AARS2: variants seen among roughly 807,000 people sequenced by gnomAD.
AARS2 encodes alanine--tRNA ligase, mitochondrial.
In AARS2, 78 loss-of-function variants were observed where a neutral mutation model predicts 119.7. The observed-to-expected ratio is 0.65, with a 90% CI of 0.54 to 0.79. The LOEUF is 0.79. Ranked by LOEUF, AARS2 falls within the 30% of genes least tolerant of loss-of-function variation. The pLI is 0.00. For synonymous variants in AARS2, 502 were observed against 526.3 expected, an observed-to-expected ratio of 0.95 and a Z score of 0.63; for missense variants, 1,157 against 1,291.3, an observed-to-expected ratio of 0.90 and a Z score of 1.59.
chr6:44,306,882 G>T (rs1561940985), intron 7 of AARS2, 41 bp downstream of exon 7: 2 of 1,583,300 alleles, frequency 1.3e-6, no homozygotes, highest in African/African-American at 1.3e-5. Context: ...TCCCCAAAGT[G>T]CCCAGGGAGG....
At position 44,305,069 on chromosome 6, in the gene AARS2, G is replaced by A. The variant is rs943891187; in HGVS notation, c.1564C>T (p.Pro522Ser). ...DSPKYNYSLR[P>S]SGSYEFGTCE... is the part of the protein sequence containing the mutation. ...AGGCTCTCACCATAACTTCCGCTGG[G>A]TCGCAGGGAGTAGTTGTACTTGGGG... is the stretch of plus-strand genomic sequence containing the variant. Residue 522 changes from proline (P) to serine (S), a missense_variant, in exon 11 of 22, where the codon CCC (proline) becomes TCC (serine). Pro to Ser is a moderately conservative substitution (Grantham distance 74, BLOSUM62 -1). Transcript: ENST00000244571. This position sits in a 1 kb window ranked among gnomAD's most constrained non-coding sequence, Gnocchi z 4.6. 2.5e-5 allele frequency: 40 copies of A among 1,614,102 alleles called. No individual in the cohort carries two copies. The highest frequency in any genetic ancestry group is 3.2e-5 in the Non-Finnish European group (38 of 1,179,994).
rs752238227 is a variant in AARS2 at position 44,313,090 on chromosome 6, G to T, written c.234C>A (p.Gly78=). The change falls in exon 1 of 22, where the codon GGC becomes GGA. Residue 78 remains glycine, a synonymous_variant. Transcript: ENST00000244571. ...ATGGTTCGGCCCTCACCTGGTTCAT[G>T]CCCGCATTGACAAAAAGCAAACTGG... ...GDPSLLFVNA[G]MNQFKPIFLG... 1.1e-5 allele frequency: 17 copies of T among 1,613,310 alleles called. No individual in the cohort carries two copies. In the East Asian group the frequency reaches 3.8e-4, roughly 36 times the overall value.
At position 44,311,407 on chromosome 6, in the gene AARS2, G is replaced by A; in HGVS notation, c.564C>T (p.Asp188=). The change falls in exon 3 of 22, where the codon GAC becomes GAT. Residue 188 remains aspartate (D), a synonymous_variant. Coordinates refer to ENST00000244571, the MANE Select transcript of AARS2 (RefSeq NM_020745.4). Reference sequence around the variant, plus strand: ...TGACTTACCCTAAGCTCAGCCAGATGTCCCTGGTCTCCAGGTCTGGGTCCA... The same window carrying A: ...TGACTTACCCTAAGCTCAGCCAGATATCCCTGGTCTCCAGGTCTGGGTCCA... ...AGLDPDLETR[D]IWLSLGVPAS... is the part of the protein sequence containing the mutation. 1 of 1,614,170 alleles carries A rather than the reference G, an allele frequency of 6.2e-7. No homozygotes were observed. Among genetic ancestry groups the A allele is most frequent in the Non-Finnish European group, 8.5e-7 (1 of 1,180,034 alleles).
chr6:44,311,377 G>A lies in AARS2; in HGVS notation c.581+13C>T. 1.2e-6 allele frequency: 2 copies of A among 1,614,112 alleles called. No homozygotes were observed. The highest frequency in any genetic ancestry group is 1.7e-6 in the Non-Finnish European group (2 of 1,180,020). ...GACCTCCAGGAATGAACATAAGAAG[G>A]GGGCTGACTTACCCTAAGCTCAGCC... On this transcript the variant is annotated intron_variant, in intron 3 of 21. Transcript: ENST00000244571.
At position 44,310,329 on chromosome 6, in the gene AARS2, G is replaced by A; in HGVS notation, c.864C>T (p.Leu288=). ...QGKHSTYDTD[L]FSPLLNAIQQ... is the part of the protein sequence containing the mutation. Reference sequence around the variant, plus strand: ...GTATGGCGTTGAGCAGCGGGGAAAAGAGGTCAGTGTCATAGGTGGAGTGTT... The same window carrying A: ...GTATGGCGTTGAGCAGCGGGGAAAAAAGGTCAGTGTCATAGGTGGAGTGTT... The change falls in exon 5 of 22, where the codon CTC becomes CTT. Residue 288 remains leucine, a synonymous_variant. Transcript: ENST00000244571. 1.2e-6 allele frequency: 2 copies of A among 1,610,658 alleles called. No individual in the cohort carries two copies.
At chr6:44,302,245 G>T (rs1217400779) in intron 18 of AARS2, 75 bp from the exon 19 acceptor site, 2 of 1,609,322 alleles carry the variant, frequency 1.2e-6, no homozygotes, top group African/African-American at 2.7e-5. Flanking sequence ...AGCAGGGCCA[G>T]GGAAGACACC....
rs1294413020 is a variant in AARS2, at chr6:44,299,457, G to C, written c.*1090C>G. On this transcript the variant is annotated 3_prime_UTR_variant, in exon 22 of 22. Coordinates refer to ENST00000244571, the MANE Select transcript of AARS2 (RefSeq NM_020745.4). ...TACTTTTTTTTTTTTTTGTAGACAGGGTCTTGCTGTTTGCGCAGGCTGGTC... is the reference window on the plus strand; with the variant it reads ...TACTTTTTTTTTTTTTTGTAGACAGCGTCTTGCTGTTTGCGCAGGCTGGTC... Among the ~76,000 whole-genome samples the C allele has an allele frequency of 2.0e-5, 3 of 151,460 alleles. No homozygotes were observed. The highest frequency in any genetic ancestry group is 2.0e-4 in the Admixed American group (3 of 15,236).
At chr6:44,312,708 G>A (rs574509918) in intron 1 of AARS2, among the ~76,000 whole-genome samples, 21 of 152,300 alleles carry the variant, frequency 1.4e-4, no homozygotes, top group African/African-American at 4.6e-4. Flanking sequence ...TAGAAAAGAT[G>A]AGTGGTTGAT....
At chr6:44,304,378 A>T (rs1785642599) in intron 13 of AARS2, 42 bp downstream of exon 13, 1 of 1,614,054 alleles carries the variant, frequency 6.2e-7, no homozygotes, top group Non-Finnish European at 8.5e-7. Flanking sequence ...GGGAGAGTGA[A>T]GGGGCTGCAG....
chr6:44,301,559 C>T (rs1785360563), intron 19 of AARS2, 95 bp from the exon 20 acceptor site: 1 of 1,201,004 alleles, frequency 8.3e-7, no homozygotes, highest in Admixed American at 1.8e-5. Context: ...GAGCAATCCC[C>T]TGCTTCCCCC....
chr6:44,301,996 A>G (rs1785396505), intron 19 of AARS2, 64 bp downstream of exon 19: 13 of 1,547,352 alleles, frequency 8.4e-6, no homozygotes, highest in Non-Finnish European at 1.1e-5. Flanking sequence ...CCAGCCCTTG[A>G]GACTTCTCAG....
intron 1 of AARS2, 149 bp downstream of exon 1, chr6:44,312,932 T>C: frequency 4.8e-6 from 6 of 1,243,450 alleles, no homozygotes; most frequent in Non-Finnish European, 5.7e-6. Context: ...CTGAGCGCCG[T>C]ACCCCCATCA....
At position 44,302,620 on chromosome 6, in the gene AARS2, T is replaced by C. The variant is rs1180700960; in HGVS notation, c.2365-107A>G. ...AATAAGATTTAACAATCAGGACCAA[T>C]CAAGGCACCAGCACCAAATAATCAA... On this transcript the variant is annotated intron_variant, in intron 17 of 21. Coordinates refer to ENST00000244571, the MANE Select transcript of AARS2 (RefSeq NM_020745.4). 2.5e-6 allele frequency: 4 copies of C among 1,577,402 alleles called. No homozygotes were observed. In the Admixed American group the frequency reaches 5.1e-5, roughly 20 times the overall value.
At position 44,304,684 on chromosome 6, in the gene AARS2, C is replaced by T; in HGVS notation, c.1713G>A (p.Gln571=). ...GCACCAGGTAGCCACGGTCTGAAGC[C>T]TGGCCCCCCTGTTCTGCGTAGAAGT... ...RTNFYAEQGG[Q]ASDRGYLVRA... Residue 571 remains glutamine, a synonymous_variant, in exon 12 of 22, where the codon CAG becomes CAA. Coordinates refer to ENST00000244571, the MANE Select transcript of AARS2 (RefSeq NM_020745.4). 6.2e-7 allele frequency: 1 copy of T among 1,614,266 alleles called. No homozygotes were observed. Among genetic ancestry groups the T allele is most frequent in the Middle Eastern group, 1.6e-4 (1 of 6,062 alleles).
At chr6:44,308,844 C>T (rs993635996) in intron 5 of AARS2, among the ~76,000 whole-genome samples, 2 of 152,052 alleles carry the variant, frequency 1.3e-5, no homozygotes, top group African/African-American at 4.8e-5. Context: ...TCAAGCGATC[C>T]GCCCCCCTCT....
chr6:44,301,177 C>CA lies in AARS2; in HGVS notation c.2771dup (p.Cys925ValfsTer45). 3 of 1,613,634 alleles carry CA rather than the reference C, an allele frequency of 1.9e-6. No homozygotes were observed. Among genetic ancestry groups the CA allele is most frequent in the Non-Finnish European group, 2.5e-6 (3 of 1,179,908 alleles). On this transcript the variant is annotated frameshift_variant, in exon 21 of 22. Coordinates refer to ENST00000244571, the MANE Select transcript of AARS2 (RefSeq NM_020745.4). LOFTEE classifies it high-confidence loss of function. ...TCACCTGGGCCACCTGACAGGCACA[C>CA]AGCACCTTCCCCATGGGCTGGGGGC...
intron 5 of AARS2, among the ~76,000 whole-genome samples, chr6:44,310,064 T>C (rs1051073125): frequency 3.3e-5 from 5 of 152,128 alleles, no homozygotes; most frequent in African/African-American, 9.7e-5. Context: ...GGATTTAACA[T>C]AAAGTAAGCA....
At position 44,305,511 on chromosome 6, in the gene AARS2, T is replaced by G; in HGVS notation, c.1434+142A>C. The G allele has an allele frequency of 5.9e-6, 8 of 1,357,822 alleles. No homozygotes were observed. Among genetic ancestry groups the G allele is most frequent in the Admixed American group, 4.1e-5 (2 of 49,156 alleles). 84.1% of individuals were successfully genotyped at this position (1,357,822 alleles called of 1,614,324 possible). On this transcript the variant is annotated intron_variant, in intron 10 of 21. Transcript: ENST00000244571. The surrounding 1 kb of genome is among the most constrained non-coding windows in gnomAD (Gnocchi z 4.6). ...GCTTTCTACTGGTTGTGGCCTGAGG[T>G]TTTAGAAACCTCCCAGGTGAGGGGA...
intron 7 of AARS2, 111 bp downstream of exon 7, chr6:44,306,811 AT>A: frequency 9.7e-7 from 1 of 1,026,950 alleles, no homozygotes; most frequent in Non-Finnish European, 1.5e-6. Flanking sequence ...TGGGCTCGAT[AT>A]TTAGGGTGGG....
Sources: allele counts gnomAD v4.1 joint callset (sites outside exome capture counted in the v4.1 genomes callset), GRCh38; gene constraint gnomAD v4.1.1; non-coding constraint Gnocchi (gnomAD v3.1); transcripts MANE v1.5; gene names NCBI Gene and HGNC (gene_info 2026-07-23, HGNC 2026-07-21).